The following TRO variants were observed in gnomAD, a reference collection of about 807,000 sequenced individuals.
The protein encoded by TRO is MAGE superfamily protein.
TRO carries 29 observed loss-of-function variants against 42.3 expected under a neutral mutation model. That is an observed-to-expected ratio of 0.68 (90% CI 0.51 to 0.93). The LOEUF is 0.93. Ranked by LOEUF, TRO falls within the 40% of genes least tolerant of loss-of-function variation. TRO has a pLI of 0.00. For missense variants in TRO, 963 were observed against 1,127.7 expected, an observed-to-expected ratio of 0.85 and a Z score of 2.09; for synonymous variants, 384 against 425.2, an observed-to-expected ratio of 0.90 and a Z score of 1.19.
chrX:54,921,961 T>A (rs1178947381), intron 1 of TRO: 2 of 281,662 alleles, frequency 7.1e-6, no homozygotes, highest in Non-Finnish European at 1.2e-5. Flanking sequence ...TGGGGGCGCC[T>A]CTAGTCGGTG....
Position 54,930,422 on chromosome X carries a change from T to C in TRO, c.3698T>C (p.Leu1233Pro). The stretch of plus-strand genomic sequence containing the variant: ...ACCAGTGCTGGCTTCAGTGGTGGCC[T>C]AAGCACAAGTTCTGGCTTTGATGGT... Reference protein sequence around the residue: ...LGTSAGFSGGLSTSSGFDGGL... With the variant: ...LGTSAGFSGGPSTSSGFDGGL... The change falls in exon 12 of 13, where the codon CTA becomes CCA. Residue 1233 changes from leucine to proline, a missense_variant. Transcript: ENST00000173898. 2.1e-5 allele frequency: 25 copies of C among 1,210,589 alleles called. No individual in the cohort carries two copies. The highest frequency in any genetic ancestry group is 2.7e-5 in the Non-Finnish European group (24 of 894,998).
Position 54,922,582 on chromosome X carries a change from C to G in TRO, c.50C>G (p.Pro17Arg). ...YGYRVPLFQG[P>R]LPPPGSLGLP... ...ATGGTAATCCTAAGTGTGTAGGGCC[C>G]TCTGCCTCCCCCGGGGAGCCTGGGG... Residue 17 changes from proline to arginine, a missense_variant, in exon 3 of 13, where the codon CCT becomes CGT. This residue lies in a region of TRO where 322 missense variants were observed against 316.5 expected (regional missense o/e 1.02). Coordinates refer to ENST00000173898, the MANE Select transcript of TRO (RefSeq NM_001039705.3). The G allele has an allele frequency of 8.3e-7, 1 of 1,206,912 alleles. No individual in the cohort carries two copies. Among genetic ancestry groups the G allele is most frequent in the African/African-American group, 1.7e-5 (1 of 57,616 alleles).
chrX:54,924,734 G>T lies in TRO; in HGVS notation c.1405+1G>T. 8.3e-7 allele frequency: 1 copy of T among 1,210,617 alleles called. No homozygotes were observed. Among genetic ancestry groups the T allele is most frequent in the Non-Finnish European group, 1.1e-6 (1 of 894,471 alleles). On this transcript the variant is annotated splice_donor_variant, in intron 5 of 12. Transcript: ENST00000173898. LOFTEE classifies it high-confidence loss of function. The stretch of plus-strand genomic sequence containing the variant: ...ACAAAGATCCCCATCAAACGCTCAG[G>T]TAGTGTCCTACCAACCCTCCTCCTT...
Position 54,927,780 on chromosome X carries a change from G to A in TRO, c.1877G>A (p.Arg626Lys), listed in dbSNP as rs755365020. The A allele has an allele frequency of 4.1e-6, 5 of 1,206,800 alleles. No homozygotes were observed. Among genetic ancestry groups the A allele is most frequent in the Non-Finnish European group, 1.1e-6 (1 of 892,045 alleles). Residue 626 changes from arginine (R) to lysine (K), a missense_variant and splice_region_variant, in exon 11 of 13, where the codon AGG becomes AAG. By Grantham distance (26) the Arg-to-Lys change is conservative. Around this residue, in one of 2 missense-constraint regions of TRO, gnomAD observed 641 missense variants for 811.3 expected, o/e 0.79. Coordinates refer to ENST00000173898, the MANE Select transcript of TRO (RefSeq NM_001039705.3). ...ATGAAAGTCCTCAAGTTTGCATGCA[G>A]GGTAAGAGGAGAGCTGCCCGAGCTT... ...SKMKVLKFAC[R>K]VQKKDPKDWA...
rs1262693222 is a variant in TRO, at chrX:54,929,573, G to C, written c.2849G>C (p.Gly950Ala). The C allele has an allele frequency of 8.3e-7, 1 of 1,210,774 alleles. No individual in the cohort carries two copies. Among genetic ancestry groups the C allele is most frequent in the Non-Finnish European group, 1.1e-6 (1 of 895,348 alleles). The change falls in exon 12 of 13, where the codon GGT (glycine) becomes GCT (alanine). Residue 950 changes from glycine to alanine, a missense_variant. This residue lies in a region of TRO where 641 missense variants were observed against 811.3 expected (regional missense o/e 0.79). Transcript: ENST00000173898. ...TCTTCCAGCACCAGTGCCAATTTTG[G>C]TGGTACACTAAGTACCAGCATCTGC... ...GGSSSTSANF[G>A]GTLSTSICFD... is the part of the protein sequence containing the mutation.
intron 7 of TRO, among the ~76,000 whole-genome samples, chrX:54,925,953 C>T (rs894955335): frequency 2.1e-4 from 24 of 112,124 alleles, no homozygotes; most frequent in African/African-American, 7.5e-4. Flanking sequence ...GCAGGCCTGT[C>T]ATTGCTTGCC....
chrX:54,923,669 G>C lies in TRO; in HGVS notation c.1137G>C (p.Glu379Asp), dbSNP rs1602134672. The C allele has an allele frequency of 8.3e-7, 1 of 1,210,237 alleles. No individual in the cohort carries two copies. Among genetic ancestry groups the C allele is most frequent in the Non-Finnish European group, 1.1e-6 (1 of 895,054 alleles). ...ASAQTNVSAL[E>D]TQVAAAVQAL... is the part of the protein sequence containing the mutation. ...CTCAGACCAACGTAAGTGCCCTTGA[G>C]ACTCAGGTTGCTGCTGCTGTCCAGG... The change falls in exon 3 of 13, where the codon GAG becomes GAC. Residue 379 changes from glutamate (E) to aspartate (D), a missense_variant. By Grantham distance (45) the Glu-to-Asp change is conservative. This residue lies in a region of TRO where 322 missense variants were observed against 316.5 expected (regional missense o/e 1.02). Coordinates refer to ENST00000173898, the MANE Select transcript of TRO (RefSeq NM_001039705.3).
rs1248393595 is a variant in TRO, at chrX:54,924,478, A to C, written c.1264A>C (p.Ser422Arg). ...KSKHLNGDER[S>R]GSNYRRIPWG... ...CAAGCATCTGAATGGGGATGAGAGAAGTGGCAGTAATTACAGGCGGATCCC... is the reference window on the plus strand; with the variant it reads ...CAAGCATCTGAATGGGGATGAGAGACGTGGCAGTAATTACAGGCGGATCCC... The change falls in exon 4 of 13, where the codon AGT becomes CGT. Residue 422 changes from serine (S) to arginine (R), a missense_variant. Ser to Arg is a moderately radical substitution (Grantham distance 110). Coordinates refer to ENST00000173898, the MANE Select transcript of TRO (RefSeq NM_001039705.3). 1 of 1,208,450 alleles carries C rather than the reference A, an allele frequency of 8.3e-7. No homozygotes were observed. The highest frequency in any genetic ancestry group is 1.8e-5 in the South Asian group (1 of 55,946).
At chrX:54,926,991 C>T in intron 9 of TRO, 52 bp from the exon 10 acceptor site, 13 of 1,186,538 alleles carry the variant, frequency 1.1e-5, no homozygotes, top group Non-Finnish European at 1.5e-5. Context: ...TGCCTCTGCC[C>T]TCATCTGGGC....
At chrX:54,926,100 C>T (rs185725420) in intron 7 of TRO, among the ~76,000 whole-genome samples, 132 of 112,357 alleles carry the variant, frequency 1.2e-3, no homozygotes, top group Middle Eastern at 4.6e-3. Context: ...AAGGGACTCA[C>T]ATTGACTGAG....
At position 54,929,120 on chromosome X, in the gene TRO, A is replaced by C. The variant is rs61732500; in HGVS notation, c.2396A>C (p.His799Pro). The C allele has an allele frequency of 3.7e-3, 4,446 of 1,211,269 alleles. 114 individuals are homozygous for C. In the African/African-American group the frequency reaches 0.07, roughly 19 times the overall value. Residue 799 changes from histidine (H) to proline (P), a missense_variant, in exon 12 of 13, where the codon CAC (histidine) becomes CCC (proline). This residue lies in a region of TRO where 641 missense variants were observed against 811.3 expected (regional missense o/e 0.79). Transcript: ENST00000173898. ...SAASISFGCA[H>P]STSTSFSSEA... is the part of the protein sequence containing the mutation. ...GCCAGCATTAGCTTTGGTTGTGCAC[A>C]CAGCACCAGCACTAGTTTCAGCAGT...
Position 54,922,639 on chromosome X carries a change from C to A in TRO, c.107C>A (p.Thr36Asn). The change falls in exon 3 of 13, where the codon ACC (threonine) becomes AAC (asparagine). Residue 36 changes from threonine (T) to asparagine (N), a missense_variant. Transcript: ENST00000173898. ...TTCCCTCCAGATATACAGACTGAGA[C>A]CACAGAAGAGGACAGTGTCCTGCTG... Reference protein sequence around the residue: ...LPFPPDIQTETTEEDSVLLMH... With the variant: ...LPFPPDIQTENTEEDSVLLMH... The A allele has an allele frequency of 8.3e-7, 1 of 1,211,535 alleles. No individual in the cohort carries two copies. Among genetic ancestry groups the A allele is most frequent in the Non-Finnish European group, 1.1e-6 (1 of 895,462 alleles).
rs374733383 is a variant in TRO, at chrX:54,925,088, G to A, written c.1485+20G>A. 34 of 1,192,266 alleles carry A rather than the reference G, an allele frequency of 2.9e-5. No individual in the cohort carries two copies. Among genetic ancestry groups the A allele is most frequent in the South Asian group, 7.3e-5 (4 of 55,093 alleles). ...GAGAAGGTGAAGGGGCAGTGCTGGC[G>A]GATGGGCGCAATGGGGAAGCTTTGA... On this transcript the variant is annotated intron_variant, in intron 6 of 12. Coordinates refer to ENST00000173898, the MANE Select transcript of TRO (RefSeq NM_001039705.3).
intron 1 of TRO, chrX:54,921,176 C>G (rs1042608876): frequency 1.8e-5 from 2 of 109,963 alleles, no homozygotes; most frequent in Non-Finnish European, 3.8e-5. Context: ...ATCCTTCAGA[C>G]GGTAGCAAGA....
At position 54,922,648 on chromosome X, in the gene TRO, A is replaced by G; in HGVS notation, c.116A>G (p.Glu39Gly). 1 of 1,211,598 alleles carries G rather than the reference A, an allele frequency of 8.3e-7. No homozygotes were observed. Among genetic ancestry groups the G allele is most frequent in the Non-Finnish European group, 1.1e-6 (1 of 895,490 alleles). ...PPDIQTETTE[E>G]DSVLLMHTLL... ...GATATACAGACTGAGACCACAGAAG[A>G]GGACAGTGTCCTGCTGATGCATACC... Residue 39 changes from glutamate to glycine, a missense_variant, in exon 3 of 13, where the codon GAG becomes GGG. Transcript: ENST00000173898.
Position 54,930,935 on chromosome X carries a change from C to G in TRO, c.4211C>G (p.Ala1404Gly). The G allele has an allele frequency of 8.3e-7, 1 of 1,209,812 alleles. No homozygotes were observed. The highest frequency in any genetic ancestry group is 1.1e-6 in the Non-Finnish European group (1 of 894,466). The change falls in exon 12 of 13, where the codon GCT (alanine) becomes GGT (glycine). Residue 1404 changes from alanine (A) to glycine (G), a missense_variant. By Grantham distance (60) the Ala-to-Gly change is moderately conservative (BLOSUM62 0). This residue lies in a region of TRO where 641 missense variants were observed against 811.3 expected (regional missense o/e 0.79). Transcript: ENST00000173898. ...AGFGGGPNTG[A>G]GFGGGPSTSA... ...TTCGGCGGTGGACCAAACACTGGTG[C>G]TGGCTTTGGTGGTGGACCGAGCACC...
At position 54,922,209 on chromosome X, in the gene TRO, T is replaced by TC. The variant is rs780351870; in HGVS notation, c.-34dup. The TC allele has an allele frequency of 3.3e-6, 4 of 1,197,540 alleles. No homozygotes were observed. Among genetic ancestry groups the TC allele is most frequent in the Non-Finnish European group, 3.4e-6 (3 of 886,246 alleles). On this transcript the variant is annotated 5_prime_UTR_variant, in exon 2 of 13. Coordinates refer to ENST00000173898, the MANE Select transcript of TRO (RefSeq NM_001039705.3). ...CTCTCATTCTCTAACTCAGGCCCAT[T>TC]CCCCTCAGGCTCACCTGTTACTCGG...
Position 54,930,024 on chromosome X carries a change from C to T in TRO, c.3300C>T (p.Gly1100=), listed in dbSNP as rs374442849. 237 of 1,209,770 alleles carry T rather than the reference C, an allele frequency of 2.0e-4. No individual in the cohort carries two copies. The highest frequency in any genetic ancestry group is 2.2e-4 in the Non-Finnish European group (195 of 895,086). The part of the protein sequence containing the change: ...SGAPITNPGF[G]GAFSTSAGFG... Reference sequence around the variant, plus strand: ...CACCAATCACCAACCCTGGCTTTGGCGGTGCATTTAGCACCAGTGCTGGCT... The same window carrying T: ...CACCAATCACCAACCCTGGCTTTGGTGGTGCATTTAGCACCAGTGCTGGCT... The change falls in exon 12 of 13, where the codon GGC becomes GGT. Residue 1100 remains glycine, a synonymous_variant. Coordinates refer to ENST00000173898, the MANE Select transcript of TRO (RefSeq NM_001039705.3).
In TRO at chrX:54,925,601, G is replaced by A. The variant is rs928962119; in HGVS notation, c.1495G>A (p.Val499Ile). 12 of 1,207,825 alleles carry A rather than the reference G, an allele frequency of 9.9e-6. No individual in the cohort carries two copies. The highest frequency in any genetic ancestry group is 1.7e-5 in the African/African-American group (1 of 57,221). ...ASYTLEKMFR[V>I]NLKEIDKQSS... ...TTCTTTTACTTGGCAGATGTTTCGA[G>A]TCAATCTGAAAGAAATTGATAAGCA... The change falls in exon 7 of 13, where the codon GTC becomes ATC. Residue 499 changes from valine to isoleucine, a missense_variant. Physicochemically the swap from Val to Ile is conservative, Grantham distance 29. Transcript: ENST00000173898.
Sources: allele counts gnomAD v4.1 joint callset (sites outside exome capture counted in the v4.1 genomes callset), GRCh38; gene constraint gnomAD v4.1.1; regional missense constraint gnomAD v4.1.1; transcripts MANE v1.5; gene names NCBI Gene and HGNC (gene_info 2026-07-23, HGNC 2026-07-21).